TMEM123: variants seen among roughly 807,000 people sequenced by gnomAD.
TMEM123 encodes the protein porimin.
In TMEM123, 16 loss-of-function variants were observed where a neutral mutation model predicts 19.7. The ratio of observed to expected loss-of-function variants is 0.81; its 90% CI spans 0.55 to 1.23. TMEM123 has a LOEUF of 1.23. TMEM123 is among the 50% of genes most tolerant of loss of function. The probability of loss-of-function intolerance (pLI) is 0.00; values close to 1 mark genes in which losing one functional copy is unlikely to be tolerated. For missense variants in TMEM123, 313 were observed against 257.8 expected, an observed-to-expected ratio of 1.21 and a Z score of -1.47; for synonymous variants, 118 against 99.4, an observed-to-expected ratio of 1.19 and a Z score of -1.12.
chr11:102,439,693 G>A (rs1857803460), intron 2 of TMEM123, among the ~76,000 whole-genome samples: 1 of 152,248 alleles, frequency 6.6e-6, no homozygotes, highest in South Asian at 2.1e-4. Flanking sequence ...GCTGGACGGA[G>A]AATGACTTTG....
intron 2 of TMEM123, among the ~76,000 whole-genome samples, chr11:102,429,659 C>T (rs1226324854): frequency 6.6e-6 from 1 of 152,152 alleles, no homozygotes; most frequent in African/African-American, 2.4e-5. Flanking sequence ...AAAGTAAACT[C>T]CTGACAATCA....
intron 2 of TMEM123, among the ~76,000 whole-genome samples, chr11:102,408,242 A>G (rs1182823076): frequency 6.6e-6 from 1 of 152,210 alleles, no homozygotes; most frequent in East Asian, 1.9e-4. Context: ...CCACAGTGAA[A>G]GACGACAAAG....
intron 2 of TMEM123, among the ~76,000 whole-genome samples, chr11:102,411,757 G>GT (rs1170684901): frequency 6.6e-6 from 1 of 151,696 alleles, no homozygotes; most frequent in Admixed American, 6.6e-5. Flanking sequence ...CCCAGGTCTT[G>GT]TTTATCTTTT....
intron 2 of TMEM123, among the ~76,000 whole-genome samples, chr11:102,417,785 G>A (rs966620570): frequency 1.3e-5 from 2 of 151,926 alleles, no homozygotes; most frequent in African/African-American, 4.8e-5. Flanking sequence ...TATCGGTACA[G>A]AAACTGATAC....
At chr11:102,425,675 C>A (rs1484464433) in intron 2 of TMEM123, among the ~76,000 whole-genome samples, 2 of 151,376 alleles carry the variant, frequency 1.3e-5, no homozygotes, top group African/African-American at 4.9e-5. Flanking sequence ...CCTCAACCTC[C>A]CAGGCTCAGT....
chr11:102,440,822 T>C (rs1302064197), intron 2 of TMEM123, among the ~76,000 whole-genome samples: 2 of 151,986 alleles, frequency 1.3e-5, no homozygotes, highest in Admixed American at 6.6e-5. Context: ...CAGACACACA[T>C]AGGCTCAAAA....
At chr11:102,408,327 T>A (rs1951973489) in intron 2 of TMEM123, among the ~76,000 whole-genome samples, 1 of 152,238 alleles carries the variant, frequency 6.6e-6, no homozygotes, top group African/African-American at 2.4e-5. Flanking sequence ...CAGTTCTTCA[T>A]TCCTGTTTGG....
At chr11:102,445,730 T>G (rs1174573199) in intron 2 of TMEM123, among the ~76,000 whole-genome samples, 1 of 152,158 alleles carries the variant, frequency 6.6e-6, no homozygotes, top group African/African-American at 2.4e-5. Flanking sequence ...AAATGGTGGT[T>G]AAAAGTTCAG....
At position 102,398,899 on chromosome 11, in the gene TMEM123, A is replaced by G. The variant is rs377551251; in HGVS notation, c.603-8T>C. 1.2e-6 allele frequency: 2 copies of G among 1,607,094 alleles called. No individual in the cohort carries two copies. Among genetic ancestry groups the G allele is most frequent in the African/African-American group, 1.3e-5 (1 of 74,564 alleles). ...ATGGCATCATGTTCATCTCTGTAAT[A>G]TATTAAAAGTTACAATTACTTTGTT... On this transcript the variant is annotated splice_polypyrimidine_tract_variant and splice_region_variant and intron_variant, in intron 4 of 4. Coordinates refer to ENST00000398136, the MANE Select transcript of TMEM123 (RefSeq NM_052932.3).
intron 2 of TMEM123, among the ~76,000 whole-genome samples, chr11:102,428,984 C>T (rs1255156029): frequency 6.6e-6 from 1 of 152,150 alleles, no homozygotes; most frequent in Non-Finnish European, 1.5e-5. Context: ...CCTTCGCTCA[C>T]CCCCTGGGGT....
chr11:102,448,831 G>A lies in TMEM123; in HGVS notation c.138C>T (p.Asn46=), dbSNP rs1857909620. The change falls in exon 2 of 5, where the codon AAC becomes AAT. Residue 46 remains asparagine (N), a synonymous_variant. Transcript: ENST00000398136. ...ACTCACCTGTTGAGTTAGCACTGGAGTTGTGTGGAAGCCCAGAATTCTCTA... is the reference window on the plus strand; with the variant it reads ...ACTCACCTGTTGAGTTAGCACTGGAATTGTGTGGAAGCCCAGAATTCTCTA... ...ANIENSGLPH[N]SSANSTETLQ... is the part of the protein sequence containing the mutation. 1 of 1,613,742 alleles carries A rather than the reference G, an allele frequency of 6.2e-7. No individual in the cohort carries two copies. Among genetic ancestry groups the A allele is most frequent in the Non-Finnish European group, 8.5e-7 (1 of 1,179,782 alleles).
chr11:102,437,486 G>T (rs573287884), intron 2 of TMEM123, among the ~76,000 whole-genome samples: 2 of 150,820 alleles, frequency 1.3e-5, no homozygotes, highest in Non-Finnish European at 3.0e-5. Flanking sequence ...TTTTTTTTAC[G>T]TTTAAAATGT....
At chr11:102,428,893 G>C (rs983592254) in intron 2 of TMEM123, among the ~76,000 whole-genome samples, 1 of 152,168 alleles carries the variant, frequency 6.6e-6, no homozygotes, top group Non-Finnish European at 1.5e-5. Flanking sequence ...ACCACTGACT[G>C]TGGCTATGTG....
At chr11:102,425,583 C>CTTTTTT (rs1167174586) in intron 2 of TMEM123, among the ~76,000 whole-genome samples, 17 of 107,938 alleles carry the variant, frequency 1.6e-4, no homozygotes, top group South Asian at 3.1e-4. Flanking sequence ...TTTCTTTTTT[C>CTTTTTT]TTTTTTTTTT....
At chr11:102,421,530 ACTGT>A (rs775663861) in intron 2 of TMEM123, among the ~76,000 whole-genome samples, 27 of 152,070 alleles carry the variant, frequency 1.8e-4, no homozygotes, top group African/African-American at 2.7e-4. Flanking sequence ...AAAAAAAAAA[ACTGT>A]CTGCTCGAAT....
intron 2 of TMEM123, among the ~76,000 whole-genome samples, chr11:102,445,902 T>G (rs1227312273): frequency 6.6e-6 from 1 of 152,214 alleles, no homozygotes; most frequent in African/African-American, 2.4e-5. Flanking sequence ...CAAGGATGAA[T>G]AACCAAACTA....
chr11:102,450,206 T>A (rs1010580768), intron 1 of TMEM123, among the ~76,000 whole-genome samples: 1 of 152,260 alleles, frequency 6.6e-6, no homozygotes, highest in Non-Finnish European at 1.5e-5. Flanking sequence ...GTTTCCCTGC[T>A]ATTGTCGCTC....
rs529448841 is a variant in TMEM123 at position 102,440,722 on chromosome 11, G to A, written c.157+8090C>T. ...AATATTAACCTTAAATGTAAATGGGGTAAATGCTCCAATTAAAACACAGAC... is the reference window on the plus strand; with the variant it reads ...AATATTAACCTTAAATGTAAATGGGATAAATGCTCCAATTAAAACACAGAC... On this transcript the variant is annotated intron_variant, in intron 2 of 4. Coordinates refer to ENST00000398136, the MANE Select transcript of TMEM123 (RefSeq NM_052932.3). 2.6e-5 allele frequency among the ~76,000 whole-genome samples: 4 copies of A among 152,236 alleles called. No individual in the cohort carries two copies. The East Asian group carries it at 5.8e-4, about 22-fold the overall frequency.
At chr11:102,439,046 G>A (rs553806259) in intron 2 of TMEM123, among the ~76,000 whole-genome samples, 63 of 152,318 alleles carry the variant, frequency 4.1e-4, no homozygotes, top group Admixed American at 1.4e-3. Flanking sequence ...GGGGAGGGGC[G>A]TCCGCCAGTG....
Sources: allele counts gnomAD v4.1 joint callset (sites outside exome capture counted in the v4.1 genomes callset), GRCh38; gene constraint gnomAD v4.1.1; transcripts MANE v1.5; gene names NCBI Gene and HGNC (gene_info 2026-07-23, HGNC 2026-07-21).